RIN3: variants seen among roughly 807,000 people sequenced by gnomAD.
RIN3 encodes Ras and Rab interactor 3, also known as RAB5 interacting protein 3.
A neutral mutation model predicts 76.3 loss-of-function variants in RIN3; 54 were observed. That is an observed-to-expected ratio of 0.71 (90% confidence interval 0.57 to 0.89). The LOEUF is 0.89. Among genes scored for constraint, RIN3 ranks in the 40% least tolerant of loss-of-function variants. The probability of loss-of-function intolerance (pLI) is 0.00; values close to 1 mark genes in which losing one functional copy is unlikely to be tolerated. For synonymous variants in RIN3, 576 were observed against 564.0 expected (o/e 1.02, Z -0.30); for missense variants, 1,256 against 1,322.1 (o/e 0.95, Z 0.78).
rs72699866 is a variant in RIN3, at chr14:92,648,442, G to A, written c.533-3140G>A. Among the ~76,000 whole-genome samples the A allele has an allele frequency of 0.14, 21,248 of 152,260 alleles. 1,748 individuals carry two copies. The highest frequency in any genetic ancestry group is 0.19 in the Non-Finnish European group (12,600 of 67,982). ...AGGCTGCCCGGCTGGTGGCCCATCC[G>A]TTTACGGGGCTCCTGTGCCCTCCTT... On this transcript the variant is annotated intron_variant, in intron 5 of 9. Coordinates refer to ENST00000216487, the MANE Select transcript of RIN3 (RefSeq NM_024832.5). This position sits in a 1 kb window ranked among gnomAD's most constrained non-coding sequence, Gnocchi z 4.1.
At position 92,615,766 on chromosome 14, in the gene RIN3, C is replaced by T. The variant is rs565982943; in HGVS notation, c.440+287C>T. 126 of 391,652 alleles carry T rather than the reference C, an allele frequency of 3.2e-4. 2 individuals carry two copies. The South Asian group carries it at 4.3e-3, about 13-fold the overall frequency. The allele number at this position is 391,652 out of a possible 1,614,324, so 24.3% of individuals were successfully genotyped here. On this transcript the variant is annotated intron_variant, in intron 4 of 9. Coordinates refer to ENST00000216487, the MANE Select transcript of RIN3 (RefSeq NM_024832.5). The stretch of plus-strand genomic sequence containing the variant: ...GCTTCAAGGACAGCCTGGAGTCCTG[C>T]GTGGACCAGGCCTCCCATTGCAGGG...
intron 2 of RIN3, among the ~76,000 whole-genome samples, chr14:92,563,984 C>T (rs187514035): frequency 1.3e-5 from 2 of 152,134 alleles, no homozygotes; most frequent in Admixed American, 1.3e-4. Flanking sequence ...CAGGATGGGC[C>T]CCAGCCACTG....
At chr14:92,594,257 A>G (rs1885080439) in intron 3 of RIN3, among the ~76,000 whole-genome samples, 1 of 151,946 alleles carries the variant, frequency 6.6e-6, no homozygotes, top group Non-Finnish European at 1.5e-5. Context: ...ATATGGAGAA[A>G]CCCCATCTCT....
At chr14:92,687,792 A>C in intron 9 of RIN3, 134 bp from the exon 10 acceptor site, 2 of 763,034 alleles carry the variant, frequency 2.6e-6, no homozygotes, top group Non-Finnish European at 3.9e-6. Context: ...GAGACGGGAA[A>C]GGCGCAGGTG....
intron 6 of RIN3, 47 bp from the exon 7 acceptor site, chr14:92,659,114 A>T (rs376938544): frequency 2.6e-5 from 41 of 1,581,760 alleles, no homozygotes; most frequent in Non-Finnish European, 3.5e-5. Context: ...AGGTGGCAGG[A>T]TCCCTGCATC....
At chr14:92,683,082 G>A (rs1420599979) in intron 8 of RIN3, among the ~76,000 whole-genome samples, 1 of 152,126 alleles carries the variant, frequency 6.6e-6, no homozygotes, top group Non-Finnish European at 1.5e-5. Flanking sequence ...CAGGAGAATA[G>A]CTTGAACCTG....
chr14:92,555,985 C>T, intron 2 of RIN3, 30 bp downstream of exon 2: 1 of 1,589,108 alleles, frequency 6.3e-7, no homozygotes, highest in African/African-American at 1.3e-5. Context: ...ACTTGGTAGG[C>T]ACACACACCT....
intron 1 of RIN3, chr14:92,515,514 A>AC: frequency 2.1e-6 from 1 of 478,908 alleles, no homozygotes; most frequent in Non-Finnish European, 3.7e-6. Context: ...AATAGTAACT[A>AC]CCCCTTAGAG....
At position 92,685,438 on chromosome 14, in the gene RIN3, T is replaced by A; in HGVS notation, c.2631+288T>A. Reference sequence around the variant, plus strand: ...GACACACCCATCATTCCTTAGCCCCTCCTAGGACCCAGCACCCTGCAGGGG... The same window carrying A: ...GACACACCCATCATTCCTTAGCCCCACCTAGGACCCAGCACCCTGCAGGGG... On this transcript the variant is annotated intron_variant, in intron 9 of 9. Transcript: ENST00000216487. This position sits in a 1 kb window ranked among gnomAD's most constrained non-coding sequence, Gnocchi z 4.7. 2.6e-6 allele frequency: 1 copy of A among 389,032 alleles called. No individual in the cohort carries two copies. The highest frequency in any genetic ancestry group is 4.8e-6 in the Non-Finnish European group (1 of 209,044). The allele number at this position is 389,032 out of a possible 1,614,324, so 24.1% of individuals were successfully genotyped here.
At chr14:92,582,653 A>G (rs552085802) in intron 3 of RIN3, among the ~76,000 whole-genome samples, 2 of 152,006 alleles carry the variant, frequency 1.3e-5, no homozygotes, top group South Asian at 2.1e-4. Flanking sequence ...AGGTTTCACC[A>G]TGTTGGCCAG....
chr14:92,612,431 G>A (rs191677161), intron 3 of RIN3, among the ~76,000 whole-genome samples: 198 of 152,350 alleles, frequency 1.3e-3, no homozygotes, highest in Non-Finnish European at 2.4e-3. Context: ...AGTCCAAGGT[G>A]TCCCTTTGGG....
intron 3 of RIN3, among the ~76,000 whole-genome samples, chr14:92,585,771 G>A (rs560144395): frequency 1.3e-5 from 2 of 152,136 alleles, no homozygotes; most frequent in South Asian, 4.2e-4. Context: ...GGTACACGCC[G>A]CTGTGCCTGG....
At chr14:92,641,916 C>T (rs1887029832) in intron 5 of RIN3, among the ~76,000 whole-genome samples, 1 of 152,246 alleles carries the variant, frequency 6.6e-6, no homozygotes, top group South Asian at 2.1e-4. Flanking sequence ...TGGGCTCTTC[C>T]CATGTATGGG....
At chr14:92,535,426 C>T (rs1323086022) in intron 1 of RIN3, among the ~76,000 whole-genome samples, 4 of 151,132 alleles carry the variant, frequency 2.6e-5, no homozygotes, top group Admixed American at 6.6e-5. Flanking sequence ...CTCCACCTCC[C>T]GGGCGAGCTT....
intron 4 of RIN3, among the ~76,000 whole-genome samples, chr14:92,630,396 G>T (rs147583645): frequency 1.3e-5 from 2 of 152,218 alleles, no homozygotes; most frequent in African/African-American, 4.8e-5. Flanking sequence ...GGAGGCTGAG[G>T]CAGGAGAACG....
intron 1 of RIN3, among the ~76,000 whole-genome samples, chr14:92,553,637 G>A (rs559114882): frequency 1.4e-4 from 21 of 152,068 alleles, no homozygotes; most frequent in Non-Finnish European, 2.8e-4. Context: ...GCTGAAGGCT[G>A]TGGACCGAAA....
rs1320782031 is a variant in RIN3, at chr14:92,655,372, GAGAGACAA to G, written c.2026+2300_2026+2307del. On this transcript the variant is annotated intron_variant, in intron 6 of 9. Coordinates refer to ENST00000216487, the MANE Select transcript of RIN3 (RefSeq NM_024832.5). ...CAAGAAGGAAAGAGACAGAGAGACA[GAGAGACAA>G]AGGGAGAGAGAGAGAGAGTAAAGTA... Among the ~76,000 whole-genome samples, 6 of 152,296 alleles carry G rather than the reference GAGAGACAA, an allele frequency of 3.9e-5. No individual in the cohort carries two copies. The South Asian group carries it at 6.2e-4, about 16-fold the overall frequency.
intron 3 of RIN3, among the ~76,000 whole-genome samples, chr14:92,609,751 G>A (rs571986078): frequency 6.6e-6 from 1 of 152,224 alleles, no homozygotes; most frequent in African/African-American, 2.4e-5. Flanking sequence ...ATGGGCTTTA[G>A]AGAAAAATCT....
chr14:92,594,013 G>A (rs1431349970), intron 3 of RIN3, among the ~76,000 whole-genome samples: 3 of 152,172 alleles, frequency 2.0e-5, no homozygotes, highest in African/African-American at 4.8e-5. Context: ...ACTGGATATG[G>A]TGGACATCTA....
Sources: allele counts gnomAD v4.1 joint callset (sites outside exome capture counted in the v4.1 genomes callset), GRCh38; gene constraint gnomAD v4.1.1; non-coding constraint Gnocchi (gnomAD v3.1); transcripts MANE v1.5; gene names NCBI Gene and HGNC (gene_info 2026-07-23, HGNC 2026-07-21).